GPI: variants seen among roughly 807,000 people sequenced by gnomAD.
GPI encodes the protein D-hexose-6-phosphate anomerase.
Under a neutral mutation model 75.8 loss-of-function variants are expected in GPI, and 56 were observed. That is an observed-to-expected ratio of 0.74 (90% CI 0.60 to 0.92). The LOEUF (loss-of-function observed/expected upper bound fraction) is 0.92. GPI is among the 40% of genes least tolerant of loss of function. The pLI, the probability that GPI is intolerant of heterozygous loss-of-function variation, is 0.00. For synonymous variants in GPI, 288 were observed against 285.4 expected (o/e 1.01, Z -0.09); for missense variants, 638 against 741.0 (o/e 0.86, Z 1.61).
intron 9 of GPI, among the ~76,000 whole-genome samples, chr19:34,391,627 T>C: frequency 3.5e-3 from 1 of 284 alleles, no homozygotes; most frequent in Non-Finnish European, 0.01. Context: ...GATCCGGGTC[T>C]GTCAATTTCT....
rs532365369 is a variant in GPI, at chr19:34,399,600, G to A, written c.1443G>A (p.Lys481=). ...CAACCAACTCTATTGTGTTCACCAA[G>A]CTCACACCATTCATGCTTGGAGCCT... is the stretch of plus-strand genomic sequence containing the variant. ...NRPTNSIVFT[K]LTPFMLGALV... is the part of the protein sequence containing the mutation. Residue 481 remains lysine, a synonymous_variant, in exon 16 of 18, where the codon AAG becomes AAA. Coordinates refer to ENST00000356487, the MANE Select transcript of GPI (RefSeq NM_000175.5). 4 of 1,614,154 alleles carry A rather than the reference G, an allele frequency of 2.5e-6. No homozygotes were observed. In the African/African-American group the frequency reaches 5.3e-5, roughly 22 times the overall value.
At chr19:34,376,398 A>G (rs543130161) in intron 4 of GPI, among the ~76,000 whole-genome samples, 2 of 152,190 alleles carry the variant, frequency 1.3e-5, no homozygotes, top group African/African-American at 4.8e-5. Flanking sequence ...TCTACTGGAA[A>G]TACTAAAAAT....
intron 4 of GPI, chr19:34,368,942 TG>T: frequency 1.7e-6 from 1 of 597,710 alleles, no homozygotes; most frequent in Non-Finnish European, 3.0e-6. Context: ...GTTTCTTTCC[TG>T]AATTGTAGAC....
chr19:34,363,220 C>T (rs2074310752), upstream of GPI: 2 of 152,010 alleles, frequency 1.3e-5, no homozygotes, highest in Non-Finnish European at 2.9e-5. Context: ...TTGAAAAGAT[C>T]GCTTGAGCCT....
intron 1 of GPI, 51 bp from the exon 2 acceptor site, chr19:34,366,293 TC>T (rs745882863): frequency 1.7e-6 from 2 of 1,193,416 alleles, no homozygotes; most frequent in South Asian, 1.2e-5. Context: ...AGGGCATGGC[TC>T]CCCGCTAGGG....
chr19:34,377,135 T>TAAA (rs2074549886), intron 4 of GPI, among the ~76,000 whole-genome samples: 1 of 149,844 alleles, frequency 6.7e-6, no homozygotes, highest in Non-Finnish European at 1.5e-5. Flanking sequence ...ACCCTGTCTC[T>TAAA]ACTAAAAATA....
At chr19:34,377,385 G>A (rs2074562616) in intron 4 of GPI, 118 bp from the exon 5 acceptor site, 2 of 555,054 alleles carry the variant, frequency 3.6e-6, no homozygotes, top group Middle Eastern at 3.0e-4. Flanking sequence ...AAAAATAGAG[G>A]CACCTGCGAG....
intron 14 of GPI, chr19:34,397,858 CA>C (rs1232683461): frequency 6.7e-6 from 1 of 148,932 alleles, no homozygotes; most frequent in Non-Finnish European, 1.5e-5. Context: ...CTAGATAATC[CA>C]GGAAAATCTC....
chr19:34,392,053 GTA>G lies in GPI; in HGVS notation c.805-1194_805-1193del. 24 of 165,708 alleles carry G rather than the reference GTA, an allele frequency of 1.4e-4. 1 individual carries two copies. The highest frequency in any genetic ancestry group is 3.7e-4 in the East Asian group (2 of 5,478). 10.3% of individuals were successfully genotyped at this position (165,708 alleles called of 1,614,324 possible). Reference sequence around the variant, plus strand: ...TCAATGTCTGAGAAGGTAGGATCTGGTACAGGTGTGAGGATCTGGGTCTGTTA... The same window carrying G: ...TCAATGTCTGAGAAGGTAGGATCTGGCAGGTGTGAGGATCTGGGTCTGTTA... On this transcript the variant is annotated intron_variant, in intron 9 of 17. Coordinates refer to ENST00000356487, the MANE Select transcript of GPI (RefSeq NM_000175.5).
At chr19:34,390,263 A>G (rs2074801518) in intron 9 of GPI, among the ~76,000 whole-genome samples, 1 of 143,350 alleles carries the variant, frequency 7.0e-6, no homozygotes, top group Non-Finnish European at 1.5e-5. Flanking sequence ...CCACTGTTCA[A>G]GCAGGTGGGC....
At chr19:34,368,554 A>G in intron 3 of GPI, 29 bp from the exon 4 acceptor site, 1 of 1,613,430 alleles carries the variant, frequency 6.2e-7, no homozygotes, top group Non-Finnish European at 8.5e-7. Flanking sequence ...TGGGGGGGGC[A>G]GTCTTTATAT....
intron 4 of GPI, among the ~76,000 whole-genome samples, chr19:34,375,846 C>T (rs531851023): frequency 3.3e-5 from 5 of 152,284 alleles, no homozygotes; most frequent in South Asian, 4.1e-4. Flanking sequence ...TAGGTCACCC[C>T]TCCCAGCACA....
intron 9 of GPI, among the ~76,000 whole-genome samples, chr19:34,390,814 G>A (rs1364693605): frequency 6.8e-6 from 1 of 147,610 alleles, no homozygotes; most frequent in Admixed American, 6.8e-5. Context: ...GCACAGGTAT[G>A]AGAATCTGGG....
chr19:34,381,125 A>G, intron 8 of GPI: 1 of 408,414 alleles, frequency 2.4e-6, no homozygotes, highest in Admixed American at 3.6e-5. Flanking sequence ...GTCCAGGGGT[A>G]TCATGCTCTG....
chr19:34,365,980 G>A (rs1294458482), intron 1 of GPI: 1 of 525,624 alleles, frequency 1.9e-6, no homozygotes. Flanking sequence ...CGGGGGAGGG[G>A]AGCGACTGTG....
At chr19:34,362,804 C>A (rs1306165081), upstream of GPI, among the ~76,000 whole-genome samples, 2 of 152,172 alleles carry the variant, frequency 1.3e-5, no homozygotes, top group Non-Finnish European at 2.9e-5. Context: ...CAGCTTAACA[C>A]CATAAAAAGC....
intron 9 of GPI, among the ~76,000 whole-genome samples, chr19:34,391,956 T>C (rs1382830165): frequency 0.02 from 13 of 642 alleles, no homozygotes; most frequent in Non-Finnish European, 0.029. Flanking sequence ...AGATCTGGCA[T>C]GAGTATGAGG....
chr19:34,362,304 CAAAAA>C (rs899027408), upstream of GPI, among the ~76,000 whole-genome samples: 2 of 148,068 alleles, frequency 1.4e-5, no homozygotes, highest in African/African-American at 5.0e-5. Flanking sequence ...AACTTCATCT[CAAAAA>C]AAAAGAAGAA....
intron 3 of GPI, 133 bp from the exon 4 acceptor site, chr19:34,368,450 A>G (rs1313245897): frequency 5.5e-6 from 5 of 902,020 alleles, no homozygotes; most frequent in Admixed American, 2.0e-5. Context: ...GAACAAGGTT[A>G]TGGTGCTAAC....
Sources: allele counts gnomAD v4.1 joint callset (sites outside exome capture counted in the v4.1 genomes callset), GRCh38; gene constraint gnomAD v4.1.1; transcripts MANE v1.5; gene names NCBI Gene and HGNC (gene_info 2026-07-23, HGNC 2026-07-21).